ITPR3: variants seen among roughly 807,000 people sequenced by gnomAD.
ITPR3 encodes inositol 1,4,5-trisphosphate-gated calcium channel ITPR3.
Under a neutral mutation model 293.2 loss-of-function variants are expected in ITPR3, and 173 were observed. The ratio of observed to expected loss-of-function variants is 0.59; its 90% CI spans 0.52 to 0.67. ITPR3 has a LOEUF of 0.67. ITPR3 is among the 30% of genes least tolerant of loss of function. The pLI, the probability that ITPR3 is intolerant of heterozygous loss-of-function variation, is 0.00. For missense variants in ITPR3, 2,796 were observed against 3,592.1 expected, an observed-to-expected ratio of 0.78 and a Z score of 5.66; for synonymous variants, 1,295 against 1,444.4, an observed-to-expected ratio of 0.90 and a Z score of 2.35.
rs1423919170 is a variant in ITPR3 at position 33,621,877 on chromosome 6, C to T, written c.89+186C>T. 1.3e-5 allele frequency among the ~76,000 whole-genome samples: 2 copies of T among 152,234 alleles called. No individual in the cohort carries two copies. The highest frequency in any genetic ancestry group is 4.8e-5 in the African/African-American group (2 of 41,468). ...GTGAAGTGTTTGCTCAGGTAGGACT[C>T]GGGCTCCCTACTGGAGTTGGCAGGA... On this transcript the variant is annotated intron_variant, in intron 1 of 57. Coordinates refer to ENST00000605930, the MANE Select transcript of ITPR3 (RefSeq NM_002224.4). The surrounding 1 kb of genome is among the most constrained non-coding windows in gnomAD (Gnocchi z 7.7).
chr6:33,659,204 T>A, intron 6 of ITPR3, 85 bp downstream of exon 6: 1 of 1,308,866 alleles, frequency 7.6e-7, no homozygotes, highest in Non-Finnish European at 1.1e-6. Context: ...TGCCATGGTC[T>A]CTGCCTCCAG....
intron 17 of ITPR3, 34 bp downstream of exon 17, chr6:33,668,668 C>T (rs1451043129): frequency 6.2e-7 from 1 of 1,613,602 alleles, no homozygotes; most frequent in Admixed American, 1.7e-5. Flanking sequence ...CACTTGGGCT[C>T]CACGCTGCTG....
Position 33,686,077 on chromosome 6 carries a change from A to C in ITPR3, c.5692A>C (p.Lys1898Gln). The change falls in exon 42 of 58, where the codon AAA (lysine) becomes CAA (glutamine). Residue 1898 changes from lysine (K) to glutamine (Q), a missense_variant. Transcript: ENST00000605930. ...GAACTTCCTGCGCTGTCAGAACAAC[A>C]AAACCAACTACAACTTGGTATGCGA... ...LQNFLRCQNN[K>Q]TNYNLVCETL... The C allele has an allele frequency of 6.2e-7, 1 of 1,614,162 alleles. No homozygotes were observed. The highest frequency in any genetic ancestry group is 8.5e-7 in the Non-Finnish European group (1 of 1,180,044).
chr6:33,667,373 C>T lies in ITPR3; in HGVS notation c.1713+83C>T, dbSNP rs1764638889. The T allele has an allele frequency of 7.3e-6, 11 of 1,501,794 alleles. No homozygotes were observed. The Admixed American group carries it at 1.4e-4, about 20-fold the overall frequency. 93.0% of individuals were successfully genotyped at this position (1,501,794 alleles called of 1,614,324 possible). ...ATTTCCTCAGGCACATGTGCTGTGC[C>T]AGGCACTGTTTTGGGGCCTAGGGTC... On this transcript the variant is annotated intron_variant, in intron 15 of 57. Coordinates refer to ENST00000605930, the MANE Select transcript of ITPR3 (RefSeq NM_002224.4). The surrounding 1 kb of genome is among the most constrained non-coding windows in gnomAD (Gnocchi z 4.4).
chr6:33,648,123 T>A (rs1192518514), intron 2 of ITPR3, among the ~76,000 whole-genome samples: 3 of 151,206 alleles, frequency 2.0e-5, no homozygotes, highest in Admixed American at 1.3e-4. Context: ...TGGAGTGCAG[T>A]GGCGCAATCA....
Position 33,679,869 on chromosome 6 carries a change from CT to C in ITPR3, c.3973-12del, listed in dbSNP as rs754744208. On this transcript the variant is annotated splice_polypyrimidine_tract_variant and intron_variant, in intron 30 of 57. Coordinates refer to ENST00000605930, the MANE Select transcript of ITPR3 (RefSeq NM_002224.4). This position sits in a 1 kb window ranked among gnomAD's most constrained non-coding sequence, Gnocchi z 4.2. ...ACCGAGAGAGTGTGACACGTGCCCC[CT>C]CCCACCCGCAGCTGACCAATGCAGG... 8 of 1,604,956 alleles carry C rather than the reference CT, an allele frequency of 5.0e-6. No homozygotes were observed. The African/African-American group carries it at 1.1e-4, about 21-fold the overall frequency.
intron 13 of ITPR3, among the ~76,000 whole-genome samples, 188 bp downstream of exon 13, chr6:33,665,401 A>G (rs1764584314): frequency 6.6e-6 from 1 of 152,232 alleles, no homozygotes; most frequent in South Asian, 2.1e-4. Context: ...TACTCCCAGA[A>G]CTAACCCTAT....
chr6:33,638,645 C>T lies in ITPR3; in HGVS notation c.90-1839C>T, dbSNP rs902069178. On this transcript the variant is annotated intron_variant, in intron 1 of 57. Coordinates refer to ENST00000605930, the MANE Select transcript of ITPR3 (RefSeq NM_002224.4). The surrounding 1 kb of genome is among the most constrained non-coding windows in gnomAD (Gnocchi z 4.3). ...TTACAAGGGCTTTAAGAGCTCTGGCCAGGAGCCGGGATGAAGACCAAATAT... is the reference window on the plus strand; with the variant it reads ...TTACAAGGGCTTTAAGAGCTCTGGCTAGGAGCCGGGATGAAGACCAAATAT... Among the ~76,000 whole-genome samples the T allele has an allele frequency of 6.6e-6, 1 of 152,244 alleles. No individual in the cohort carries two copies. The highest frequency in any genetic ancestry group is 2.4e-5 in the African/African-American group (1 of 41,468).
rs1764626160 is a variant in ITPR3 at position 33,666,979 on chromosome 6, G to A, written c.1552-150G>A. On this transcript the variant is annotated intron_variant, in intron 14 of 57. Transcript: ENST00000605930. This position sits in a 1 kb window ranked among gnomAD's most constrained non-coding sequence, Gnocchi z 5.1. ...GCTGGGGCTGAGGATGGCTGGGCTG[G>A]GGTTGTGGTCCAGCTTAGAATCAGC... 3 of 901,476 alleles carry A rather than the reference G, an allele frequency of 3.3e-6. No homozygotes were observed. The highest frequency in any genetic ancestry group is 5.1e-6 in the Non-Finnish European group (3 of 585,756). The allele number at this position is 901,476 out of a possible 1,614,324, so 55.8% of individuals were successfully genotyped here.
At chr6:33,639,313 A>G (rs1197274324) in intron 1 of ITPR3, among the ~76,000 whole-genome samples, 2 of 146,560 alleles carry the variant, frequency 1.4e-5, no homozygotes, top group Non-Finnish European at 3.0e-5. Context: ...CGGGGGGCAG[A>G]GGTTGCAGTG....
At chr6:33,688,948 G>A (rs1765315013) in intron 49 of ITPR3, among the ~76,000 whole-genome samples, 167 bp downstream of exon 49, 1 of 152,218 alleles carries the variant, frequency 6.6e-6, no homozygotes, top group African/African-American at 2.4e-5. Context: ...TGGAGACACA[G>A]GTGCGGTCAA....
At chr6:33,646,658 C>T (rs1764074151) in intron 2 of ITPR3, among the ~76,000 whole-genome samples, 9 of 152,036 alleles carry the variant, frequency 5.9e-5, no homozygotes, top group Admixed American at 5.9e-4. Flanking sequence ...TGGCTCATGC[C>T]TGTAATCCCA....
rs1454862963 is a variant in ITPR3 at position 33,664,302 on chromosome 6, T to G, written c.1148+422T>G. 6.6e-6 allele frequency among the ~76,000 whole-genome samples: 1 copy of G among 152,182 alleles called. No homozygotes were observed. The highest frequency in any genetic ancestry group is 1.5e-5 in the Non-Finnish European group (1 of 68,034). ...TAGCTGTATGACCTCAGGCTGCTAC[T>G]CACTCTGCCTCCATCATTTTAGTGG... On this transcript the variant is annotated intron_variant, in intron 11 of 57. Coordinates refer to ENST00000605930, the MANE Select transcript of ITPR3 (RefSeq NM_002224.4). This position sits in a 1 kb window ranked among gnomAD's most constrained non-coding sequence, Gnocchi z 4.4.
At chr6:33,659,260 C>A in intron 6 of ITPR3, 141 bp downstream of exon 6, 1 of 913,790 alleles carries the variant, frequency 1.1e-6, no homozygotes, top group Non-Finnish European at 1.7e-6. Context: ...GCTTCTGCAT[C>A]CATTTCCCAA....
chr6:33,694,499 T>G (rs928610766), intron 56 of ITPR3: 3 of 237,542 alleles, frequency 1.3e-5, no homozygotes, highest in Admixed American at 5.8e-5. Context: ...GATCCCTCAA[T>G]TTGCCATCTG....
intron 18 of ITPR3, 132 bp downstream of exon 18, chr6:33,669,288 C>G: frequency 3.4e-6 from 3 of 892,002 alleles, no homozygotes; most frequent in South Asian, 1.7e-5. Context: ...GAAGCGGAGT[C>G]CCTGCTGTCA....
chr6:33,667,298 G>A lies in ITPR3; in HGVS notation c.1713+8G>A, dbSNP rs771359638. The A allele has an allele frequency of 6.2e-6, 10 of 1,609,830 alleles. No individual in the cohort carries two copies. Among genetic ancestry groups the A allele is most frequent in the Admixed American group, 1.7e-5 (1 of 59,778 alleles). On this transcript the variant is annotated splice_region_variant and intron_variant, in intron 15 of 57. Coordinates refer to ENST00000605930, the MANE Select transcript of ITPR3 (RefSeq NM_002224.4). This position sits in a 1 kb window ranked among gnomAD's most constrained non-coding sequence, Gnocchi z 4.4. ...GACTACCGCAAGAACCAGGTGCGCC[G>A]CTGCCCTGCTGGCCCACTCGCTGGC...
chr6:33,658,657 A>T lies in ITPR3; in HGVS notation c.370-13A>T, dbSNP rs755291621. 6.2e-7 allele frequency: 1 copy of T among 1,613,406 alleles called. No individual in the cohort carries two copies. The highest frequency in any genetic ancestry group is 1.1e-5 in the South Asian group (1 of 91,022). ...TGGCGCGGTGACCTTCCCGCACCCC[A>T]CCTGACCCCCAGCTCCTGCACATGA... On this transcript the variant is annotated splice_polypyrimidine_tract_variant and intron_variant, in intron 4 of 57. Transcript: ENST00000605930. This position sits in a 1 kb window ranked among gnomAD's most constrained non-coding sequence, Gnocchi z 6.1.
Position 33,695,791 on chromosome 6 carries a change from C to A in ITPR3, c.*11C>A, listed in dbSNP as rs781032975. On this transcript the variant is annotated 3_prime_UTR_variant, in exon 58 of 58. Transcript: ENST00000605930. ...TGCATTAGCCGCTGAGGAGAGCCAC[C>A]GAAGGCCCCAACAGGGGATGCTCAT... 3 of 1,613,556 alleles carry A rather than the reference C, an allele frequency of 1.9e-6. No individual in the cohort carries two copies. The African/African-American group carries it at 4.0e-5, about 22-fold the overall frequency.
Sources: allele counts gnomAD v4.1 joint callset (sites outside exome capture counted in the v4.1 genomes callset), GRCh38; gene constraint gnomAD v4.1.1; non-coding constraint Gnocchi (gnomAD v3.1); transcripts MANE v1.5; gene names NCBI Gene and HGNC (gene_info 2026-07-23, HGNC 2026-07-21).